Variants in FBXL20 observed in about 807,000 individuals in gnomAD.
The protein encoded by FBXL20 is F-box and leucine rich repeat protein 20, also known as F-box/LRR-repeat protein 20.
In FBXL20, 11 loss-of-function variants were observed where a neutral mutation model predicts 64.0. The observed-to-expected ratio is 0.17, with a 90% confidence interval of 0.11 to 0.28. FBXL20 has a LOEUF of 0.28. FBXL20 is among the 10% of genes least tolerant of loss of function. FBXL20 has a pLI of 1.00. For synonymous variants in FBXL20, 184 were observed against 189.0 expected (o/e 0.97, Z 0.22); for missense variants, 303 against 526.2 (o/e 0.58, Z 4.15).
intron 2 of FBXL20, among the ~76,000 whole-genome samples, chr17:39,327,999 G>A (rs929720289): frequency 6.6e-6 from 1 of 152,156 alleles, no homozygotes; most frequent in Non-Finnish European, 1.5e-5. Context: ...TGTAATCCCA[G>A]CACTTTGGGA....
At chr17:39,303,260 T>G (rs78380981) in intron 3 of FBXL20, among the ~76,000 whole-genome samples, 1 of 147,274 alleles carries the variant, frequency 6.8e-6, no homozygotes, top group African/African-American at 2.5e-5. Context: ...AAAAAAAAAA[T>G]GAACTAGGAA....
intron 2 of FBXL20, among the ~76,000 whole-genome samples, chr17:39,339,768 C>T (rs558992026): frequency 2.6e-5 from 4 of 151,984 alleles, no homozygotes; most frequent in African/African-American, 7.2e-5. Flanking sequence ...CTCAGCCTCC[C>T]GAGTAGCTGG....
chr17:39,315,393 T>TTATATATTTA (rs1555607853), intron 2 of FBXL20, among the ~76,000 whole-genome samples: 1 of 134,552 alleles, frequency 7.4e-6, no homozygotes, highest in Non-Finnish European at 1.6e-5. Context: ...TTTAAATAAT[T>TTATATATTTA]TATATATATA....
intron 2 of FBXL20, among the ~76,000 whole-genome samples, chr17:39,336,892 C>T (rs528598234): frequency 6.6e-6 from 1 of 151,506 alleles, no homozygotes; most frequent in Non-Finnish European, 1.5e-5. Context: ...TAGTAGCAAA[C>T]TCCACAATGC....
At chr17:39,301,366 G>C (rs1453422576) in intron 3 of FBXL20, among the ~76,000 whole-genome samples, 1 of 152,148 alleles carries the variant, frequency 6.6e-6, no homozygotes, top group Non-Finnish European at 1.5e-5. Flanking sequence ...CAAGGTGGAA[G>C]GATCACTTGA....
chr17:39,328,183 G>A (rs1306167534), intron 2 of FBXL20, among the ~76,000 whole-genome samples: 1 of 142,386 alleles, frequency 7.0e-6, no homozygotes, highest in East Asian at 2.1e-4. Flanking sequence ...GGGAGGTGGA[G>A]GTTACAGTGA....
At chr17:39,322,037 C>CT (rs1197728264) in intron 2 of FBXL20, among the ~76,000 whole-genome samples, 1 of 151,814 alleles carries the variant, frequency 6.6e-6, no homozygotes, top group Non-Finnish European at 1.5e-5. Flanking sequence ...TGCTACAAGA[C>CT]TAACCACAAG....
intron 2 of FBXL20, among the ~76,000 whole-genome samples, chr17:39,325,018 G>A (rs1260151347): frequency 6.6e-6 from 1 of 152,190 alleles, no homozygotes; most frequent in African/African-American, 2.4e-5. Flanking sequence ...GACCAGCCTG[G>A]AGAATATGGC....
intron 2 of FBXL20, among the ~76,000 whole-genome samples, chr17:39,314,801 T>C (rs1215287555): frequency 9.9e-4 from 148 of 149,422 alleles, no homozygotes; most frequent in Admixed American, 1.7e-3. Context: ...TTTTCTTTTT[T>C]TTTTTTTTTT....
intron 2 of FBXL20, among the ~76,000 whole-genome samples, chr17:39,308,246 G>C (rs897822132): frequency 1.3e-5 from 2 of 151,998 alleles, no homozygotes; most frequent in Admixed American, 1.3e-4. Context: ...CCAAAGTGCG[G>C]GCATTACAGG....
intron 1 of FBXL20, among the ~76,000 whole-genome samples, chr17:39,397,398 G>C (rs12600751): frequency 0.29 from 43,862 of 152,006 alleles, 6,696 homozygotes; most frequent in African/African-American, 0.38. Context: ...TTATCTCCAG[G>C]CACTGTTTAA....
At chr17:39,343,147 A>G in intron 2 of FBXL20, 33 bp downstream of exon 2, 1 of 1,525,294 alleles carries the variant, frequency 6.6e-7, no homozygotes, top group Non-Finnish European at 8.9e-7. Flanking sequence ...ACATACACAT[A>G]AAAAAACCCA....
In FBXL20 at chr17:39,349,401, T is replaced by C. The variant is rs1335989763; in HGVS notation, c.43-6160A>G. On this transcript the variant is annotated intron_variant, in intron 1 of 14. Transcript: ENST00000264658. ...CACCATGCCTGGTCAGAATTTTCCA[T>C]AGTGGTGTCATGTCAGCACTCAAAA... Among the ~76,000 whole-genome samples the C allele has an allele frequency of 3.6e-5, 5 of 139,470 alleles. No homozygotes were observed. The East Asian group carries it at 7.0e-4, about 19-fold the overall frequency. The allele number at this position is 139,470 out of a possible 152,430, so 91.5% of individuals were successfully genotyped here.
chr17:39,398,696 G>A (rs1032908267), intron 1 of FBXL20, among the ~76,000 whole-genome samples: 8 of 151,208 alleles, frequency 5.3e-5, no homozygotes, highest in African/African-American at 1.9e-4. Context: ...TTTTGGAGAC[G>A]GAATCTCTCG....
At chr17:39,363,590 G>A (rs182334443) in intron 1 of FBXL20, among the ~76,000 whole-genome samples, 1 of 152,000 alleles carries the variant, frequency 6.6e-6, no homozygotes, top group Non-Finnish European at 1.5e-5. Context: ...AGGTAGGTGG[G>A]AGGATTGCCA....
intron 1 of FBXL20, among the ~76,000 whole-genome samples, chr17:39,343,587 C>A (rs996162194): frequency 6.6e-6 from 1 of 152,112 alleles, no homozygotes; most frequent in Non-Finnish European, 1.5e-5. Flanking sequence ...TGCTCAGAGT[C>A]CGGGCGCAGC....
At chr17:39,261,605 G>A (rs754610105) in intron 14 of FBXL20, 38 bp from the exon 15 acceptor site, 1 of 1,453,366 alleles carries the variant, frequency 6.9e-7, no homozygotes, top group Admixed American at 1.8e-5. Context: ...TTAAGAGAGG[G>A]CTTAAACAGA....
chr17:39,369,943 C>A (rs2047898887), intron 1 of FBXL20, among the ~76,000 whole-genome samples: 1 of 151,964 alleles, frequency 6.6e-6, no homozygotes, highest in African/African-American at 2.4e-5. Flanking sequence ...CCACATAATA[C>A]TTCAAAATAT....
At chr17:39,320,269 T>A (rs1480932063) in intron 2 of FBXL20, among the ~76,000 whole-genome samples, 1 of 152,196 alleles carries the variant, frequency 6.6e-6, no homozygotes, top group Non-Finnish European at 1.5e-5. Context: ...TTTTTTGGTA[T>A]CAAGTAAAAA....
Sources: gnomAD v4.1 joint callset for allele counts (sites outside exome capture counted in the v4.1 genomes callset) on GRCh38, gnomAD v4.1.1 for gene constraint, MANE v1.5 for transcripts, NCBI Gene and HGNC (gene_info 2026-07-23, HGNC 2026-07-21) for gene names.